Variants in SMYD3 observed in about 807,000 individuals in gnomAD.
SMYD3 encodes the protein SET and MYND domain containing 3, also known as histone-lysine N-methyltransferase SMYD3.
Under a neutral mutation model 57.7 loss-of-function variants are expected in SMYD3, and 36 were observed. That is an observed-to-expected ratio of 0.62 (90% CI 0.48 to 0.82). SMYD3 has a LOEUF of 0.82. Among genes scored for constraint, SMYD3 ranks in the 40% least tolerant of loss-of-function variants. The probability of loss-of-function intolerance (pLI) is 0.00; values close to 1 mark genes in which losing one functional copy is unlikely to be tolerated. For synonymous variants in SMYD3, 211 were observed against 195.0 expected (o/e 1.08, Z -0.68); for missense variants, 515 against 538.8 (o/e 0.96, Z 0.44).
chr1:246,125,749 G>T (rs765751587), intron 5 of SMYD3, among the ~76,000 whole-genome samples: 43 of 152,068 alleles, frequency 2.8e-4, no homozygotes, highest in South Asian at 2.1e-4. Flanking sequence ...GATCAGAAGT[G>T]GTGAGAGGGA....
At chr1:246,231,620 G>A (rs1020394745) in intron 5 of SMYD3, among the ~76,000 whole-genome samples, 4 of 152,028 alleles carry the variant, frequency 2.6e-5, no homozygotes, top group African/African-American at 4.8e-5. Context: ...ATAACATCAC[G>A]AAACATTTCA....
chr1:246,130,447 G>A (rs1462441627), intron 5 of SMYD3, among the ~76,000 whole-genome samples: 2 of 152,100 alleles, frequency 1.3e-5, no homozygotes, highest in South Asian at 2.1e-4. Context: ...GCTAAAACAT[G>A]CTGATTCTTA....
rs537651534 is a variant in SMYD3 at position 246,099,343 on chromosome 1, T to C, written c.532-169406A>G. On this transcript the variant is annotated intron_variant, in intron 5 of 11. Coordinates refer to ENST00000490107, the MANE Select transcript of SMYD3 (RefSeq NM_001167740.2). ...CAACAAACTGATTTCCATGGGACGC[T>C]TGAATAAAGCAAGGCTGTCTGTCCA... Among the ~76,000 whole-genome samples the C allele has an allele frequency of 5.3e-5, 8 of 152,302 alleles. No individual in the cohort carries two copies. The South Asian group carries it at 1.7e-3, about 32-fold the overall frequency.
chr1:246,438,606 T>C (rs73134128), intron 1 of SMYD3, among the ~76,000 whole-genome samples: 27,588 of 152,076 alleles, frequency 0.18, 2,827 homozygotes, highest in African/African-American at 0.27. Context: ...AGTATTTGCA[T>C]ATAAACTATG....
chr1:245,960,497 G>A (rs1393619455), intron 5 of SMYD3, among the ~76,000 whole-genome samples: 1 of 152,166 alleles, frequency 6.6e-6, no homozygotes, highest in Non-Finnish European at 1.5e-5. Flanking sequence ...GCTCACACCT[G>A]TAATCCCAGC....
At chr1:245,816,862 C>G (rs7535239) in intron 10 of SMYD3, among the ~76,000 whole-genome samples, 2 of 151,538 alleles carry the variant, frequency 1.3e-5, no homozygotes, top group Middle Eastern at 6.8e-3. Flanking sequence ...CGGCGCACCA[C>G]GAGATTATAT....
intron 1 of SMYD3, among the ~76,000 whole-genome samples, chr1:246,463,661 C>CAA (rs35482116): frequency 0.31 from 22,927 of 73,010 alleles, 4,212 homozygotes; most frequent in East Asian, 0.49. Flanking sequence ...ACTAAAAATA[C>CAA]AAAAAAAAAA....
chr1:246,293,595 T>A (rs1212274650), intron 5 of SMYD3, among the ~76,000 whole-genome samples: 1 of 152,104 alleles, frequency 6.6e-6, no homozygotes, highest in Non-Finnish European at 1.5e-5. Context: ...CCCGGCACAG[T>A]GGAAAAACCC....
At chr1:245,947,288 G>A (rs886430910) in intron 5 of SMYD3, 1 of 439,676 alleles carries the variant, frequency 2.3e-6, no homozygotes, top group Admixed American at 2.5e-5. Context: ...GGAAGAAACA[G>A]AAAATGAAGC....
chr1:245,858,315 T>A (rs2051359716), intron 10 of SMYD3, among the ~76,000 whole-genome samples, 181 bp downstream of exon 10: 2 of 152,220 alleles, frequency 1.3e-5, no homozygotes, highest in Non-Finnish European at 2.9e-5. Context: ...AAATGATGAA[T>A]GAATGCATAA....
chr1:246,444,273 G>A (rs543153024), intron 1 of SMYD3, among the ~76,000 whole-genome samples: 3 of 152,066 alleles, frequency 2.0e-5, no homozygotes, highest in East Asian at 1.9e-4. Flanking sequence ...TTACAGGCAT[G>A]TGCCACCACG....
At chr1:246,140,672 G>A (rs1305327560) in intron 5 of SMYD3, among the ~76,000 whole-genome samples, 6 of 152,096 alleles carry the variant, frequency 3.9e-5, no homozygotes, top group Non-Finnish European at 8.8e-5. Flanking sequence ...GGGTACAGTG[G>A]CACAATCACA....
intron 1 of SMYD3, among the ~76,000 whole-genome samples, chr1:246,473,642 T>C (rs778638207): frequency 7.2e-5 from 11 of 152,324 alleles, no homozygotes; most frequent in Non-Finnish European, 1.0e-4. Context: ...AGCTATGCAC[T>C]GGTGATCTAA....
chr1:246,387,272 G>A (rs2066498650), intron 1 of SMYD3, among the ~76,000 whole-genome samples: 1 of 152,160 alleles, frequency 6.6e-6, no homozygotes, highest in South Asian at 2.1e-4. Flanking sequence ...ATATTTAGAG[G>A]ACAACTTAGT....
chr1:245,882,336 CCTT>C (rs1477512285), intron 8 of SMYD3, among the ~76,000 whole-genome samples: 2 of 152,268 alleles, frequency 1.3e-5, no homozygotes, highest in East Asian at 1.9e-4. Flanking sequence ...AGCTGCTAAA[CCTT>C]CTTCTGGTTT....
chr1:246,169,839 G>A (rs1288097965), intron 5 of SMYD3, among the ~76,000 whole-genome samples: 1 of 151,704 alleles, frequency 6.6e-6, no homozygotes, highest in Non-Finnish European at 1.5e-5. Flanking sequence ...AGGAGGTGAA[G>A]GTTGCAGAGA....
At chr1:246,426,513 T>C (rs2067220909) in intron 1 of SMYD3, among the ~76,000 whole-genome samples, 1 of 152,242 alleles carries the variant, frequency 6.6e-6, no homozygotes, top group South Asian at 2.1e-4. Flanking sequence ...TCATATGACA[T>C]GCGGTCTTTT....
At chr1:246,062,890 C>T (rs1358785180) in intron 5 of SMYD3, among the ~76,000 whole-genome samples, 2 of 152,138 alleles carry the variant, frequency 1.3e-5, no homozygotes, top group African/African-American at 4.8e-5. Flanking sequence ...ATAATAAATG[C>T]TAGCTCAAAA....
chr1:246,307,181 G>T (rs1165598700), intron 5 of SMYD3, among the ~76,000 whole-genome samples: 1 of 152,036 alleles, frequency 6.6e-6, no homozygotes, highest in Non-Finnish European at 1.5e-5. Flanking sequence ...TGCTGAATTT[G>T]TCCTTTTATA....
Sources: allele counts gnomAD v4.1 joint callset (sites outside exome capture counted in the v4.1 genomes callset), GRCh38; gene constraint gnomAD v4.1.1; transcripts MANE v1.5; gene names NCBI Gene and HGNC (gene_info 2026-07-23, HGNC 2026-07-21).